SH3KBP1: variants seen among roughly 807,000 people sequenced by gnomAD.
SH3KBP1 encodes SH3 domain containing kinase binding protein 1, also known as SH3 domain-containing kinase-binding protein 1.
Under a neutral mutation model 50.1 loss-of-function variants are expected in SH3KBP1, and 8 were observed. The ratio of observed to expected loss-of-function variants is 0.16; its 90% CI spans 0.09 to 0.29. The LOEUF is 0.29. Ranked by LOEUF, SH3KBP1 falls within the 10% of genes least tolerant of loss-of-function variation. SH3KBP1 has a pLI of 1.00. For missense variants in SH3KBP1, 377 were observed against 535.2 expected, an observed-to-expected ratio of 0.70 and a Z score of 2.92; for synonymous variants, 227 against 218.6, an observed-to-expected ratio of 1.04 and a Z score of -0.34.
intron 2 of SH3KBP1, among the ~76,000 whole-genome samples, chrX:19,791,333 A>C: frequency 9.0e-6 from 1 of 111,434 alleles, no homozygotes; most frequent in Non-Finnish European, 1.9e-5. Flanking sequence ...TAGACTCATA[A>C]TAGAAGGTGA....
rs2065084949 is a variant in SH3KBP1 at position 19,546,371 on chromosome X, G to A, written c.1495-321C>T. Among the ~76,000 whole-genome samples the A allele has an allele frequency of 2.7e-5, 3 of 112,080 alleles. No individual in the cohort carries two copies. In the South Asian group the frequency reaches 1.1e-3, roughly 42 times the overall value. On this transcript the variant is annotated intron_variant, in intron 14 of 17. Coordinates refer to ENST00000397821, the MANE Select transcript of SH3KBP1 (RefSeq NM_031892.3). The stretch of plus-strand genomic sequence containing the variant: ...TAAACATTTGCTACCATGTGCAAAA[G>A]CTGCAGTGAGCTTGTACTGCAGACT...
At chrX:19,801,802 G>A (rs1037217002) in intron 2 of SH3KBP1, among the ~76,000 whole-genome samples, 3 of 112,027 alleles carry the variant, frequency 2.7e-5, no homozygotes, top group Non-Finnish European at 5.6e-5. Context: ...TGGGCCAGGT[G>A]CAGTGTCTCA....
chrX:19,769,701 A>C (rs887962080), intron 2 of SH3KBP1, among the ~76,000 whole-genome samples: 1 of 111,447 alleles, frequency 9.0e-6, no homozygotes, highest in African/African-American at 3.3e-5. Flanking sequence ...GCTAAAAAAA[A>C]TCTAACTTAA....
chrX:19,878,472 TTGTGTGTGTGTG>T (rs56786885), intron 1 of SH3KBP1, among the ~76,000 whole-genome samples: 3 of 73,052 alleles, frequency 4.1e-5, no homozygotes, highest in Admixed American at 1.6e-4. Context: ...CCTGGCTAAT[TTGTGTGTGTGTG>T]TGTGTGTGTG....
intron 13 of SH3KBP1, among the ~76,000 whole-genome samples, chrX:19,557,376 C>T (rs1333067110): frequency 8.9e-6 from 1 of 112,078 alleles, no homozygotes; most frequent in African/African-American, 3.2e-5. Flanking sequence ...ACGTGTAGCT[C>T]AAGAATAAGA....
At chrX:19,549,929 C>T (rs1229775616) in intron 14 of SH3KBP1, 45 bp downstream of exon 14, 7 of 963,504 alleles carry the variant, frequency 7.3e-6, no homozygotes, top group South Asian at 2.1e-5. Flanking sequence ...CCTGCTTTTC[C>T]GCTGTAGAGA....
chrX:19,717,466 G>A (rs145559290), intron 3 of SH3KBP1, among the ~76,000 whole-genome samples: 2 of 112,261 alleles, frequency 1.8e-5, no homozygotes, highest in Non-Finnish European at 3.8e-5. Context: ...TACTTGAAAG[G>A]TTGAGGCAGG....
intron 3 of SH3KBP1, among the ~76,000 whole-genome samples, chrX:19,735,526 A>G (rs1410434118): frequency 1.8e-5 from 2 of 109,585 alleles, no homozygotes; most frequent in East Asian, 5.7e-4. Flanking sequence ...CATTAATTTC[A>G]AAGTATTTTA....
At position 19,683,710 on chromosome X, in the gene SH3KBP1, T is replaced by C. The variant is rs951013136; in HGVS notation, c.726+113A>G. ...GAAGACAGGACAAACAACTAGTACA[T>C]GAGGACATGGAAACCCTAAAAGAGG... is the stretch of plus-strand genomic sequence containing the variant. On this transcript the variant is annotated intron_variant, in intron 6 of 17. Coordinates refer to ENST00000397821, the MANE Select transcript of SH3KBP1 (RefSeq NM_031892.3). The C allele has an allele frequency of 1.1e-5, 7 of 655,038 alleles. No individual in the cohort carries two copies. The African/African-American group carries it at 1.3e-4, about 12-fold the overall frequency. The allele number at this position is 655,038 out of a possible 1,213,427, so 54.0% of individuals were successfully genotyped here.
chrX:19,677,355 T>C (rs976594590), intron 6 of SH3KBP1, among the ~76,000 whole-genome samples: 3 of 111,490 alleles, frequency 2.7e-5, no homozygotes, highest in African/African-American at 9.8e-5. Context: ...AGAAATTCCC[T>C]CTCAGGTCCA....
At chrX:19,796,693 G>T (rs1004513391) in intron 2 of SH3KBP1, among the ~76,000 whole-genome samples, 1 of 112,496 alleles carries the variant, frequency 8.9e-6, no homozygotes, top group Admixed American at 9.4e-5. Flanking sequence ...AAGGCAGAAA[G>T]GGAAGAAGGT....
rs140897949 is a variant in SH3KBP1, at chrX:19,840,286, G to C, written c.5-4004C>G. Among the ~76,000 whole-genome samples the C allele has an allele frequency of 6.8e-3, 762 of 111,955 alleles. 1 individual carries two copies. The highest frequency in any genetic ancestry group is 0.012 in the Non-Finnish European group (644 of 53,198). Reference sequence around the variant, plus strand: ...TGTGGCTAATGACTACTTGGAATGTGGCTAGTCTGAACTGACGTGTGCCAT... The same window carrying C: ...TGTGGCTAATGACTACTTGGAATGTCGCTAGTCTGAACTGACGTGTGCCAT... On this transcript the variant is annotated intron_variant, in intron 1 of 17. Transcript: ENST00000397821.
chrX:19,551,021 T>C (rs1162049185), intron 13 of SH3KBP1, among the ~76,000 whole-genome samples: 2 of 111,629 alleles, frequency 1.8e-5, no homozygotes, highest in Non-Finnish European at 3.8e-5. Flanking sequence ...TCACTTTATT[T>C]TGGGGAGAAT....
At chrX:19,603,149 G>T (rs1372876538) in intron 9 of SH3KBP1, among the ~76,000 whole-genome samples, 1 of 112,306 alleles carries the variant, frequency 8.9e-6, no homozygotes, top group Non-Finnish European at 1.9e-5. Flanking sequence ...TATCATCAAG[G>T]CTTAGTTGAC....
chrX:19,542,158 C>T lies in SH3KBP1; in HGVS notation c.1659G>A (p.Pro553=), dbSNP rs373830746. ...CACCGCCACCTGCTGCCATGGTCCC[C>T]GGCTTGGGCGGCAGGGATGCTTTGT... is the stretch of plus-strand genomic sequence containing the variant. ...SDNKASLPPK[P]GTMAAGGGGP... is the part of the protein sequence containing the mutation. Residue 553 remains proline (P), a synonymous_variant, in exon 16 of 18, where the codon CCG becomes CCA. Coordinates refer to ENST00000397821, the MANE Select transcript of SH3KBP1 (RefSeq NM_031892.3). 1.3e-4 allele frequency: 149 copies of T among 1,188,251 alleles called. No homozygotes were observed. The highest frequency in any genetic ancestry group is 8.1e-4 in the East Asian group (27 of 33,348).
At chrX:19,763,573 C>G (rs961949035) in intron 2 of SH3KBP1, among the ~76,000 whole-genome samples, 4 of 111,912 alleles carry the variant, frequency 3.6e-5, no homozygotes, top group African/African-American at 1.3e-4. Flanking sequence ...GCAGAATTTA[C>G]CTGTTTGTCA....
intron 3 of SH3KBP1, among the ~76,000 whole-genome samples, chrX:19,711,167 C>T (rs1410599587): frequency 1.8e-5 from 2 of 111,396 alleles, no homozygotes. Flanking sequence ...CATTCTCAGT[C>T]CTGGGTCTTG....
At chrX:19,849,377 T>C (rs555861660) in intron 1 of SH3KBP1, among the ~76,000 whole-genome samples, 29 of 111,079 alleles carry the variant, frequency 2.6e-4, no homozygotes, top group Admixed American at 2.4e-3. Flanking sequence ...GAAAAAGAGA[T>C]GGCAGAACCT....
intron 8 of SH3KBP1, among the ~76,000 whole-genome samples, chrX:19,625,313 G>A (rs1022866632): frequency 2.7e-5 from 3 of 110,941 alleles, no homozygotes; most frequent in Admixed American, 1.9e-4. Flanking sequence ...CTTAGGAAGG[G>A]CCTCAGGACT....
Sources: allele counts gnomAD v4.1 joint callset (sites outside exome capture counted in the v4.1 genomes callset), GRCh38; gene constraint gnomAD v4.1.1; transcripts MANE v1.5; gene names NCBI Gene and HGNC (gene_info 2026-07-23, HGNC 2026-07-21).